CSMD1: variants seen among roughly 807,000 people sequenced by gnomAD.
The protein encoded by CSMD1 is CUB and Sushi multiple domains 1.
In CSMD1, 213 loss-of-function variants were observed where a neutral mutation model predicts 417.5. The observed-to-expected ratio is 0.51, with a 90% confidence interval of 0.46 to 0.57. The LOEUF (loss-of-function observed/expected upper bound fraction) is 0.57. Ranked by LOEUF, CSMD1 falls within the 20% of genes least tolerant of loss-of-function variation. CSMD1 has a pLI of 0.00. For synonymous variants in CSMD1, 2,862 were observed against 1,736.8 expected (o/e 1.65, Z -16.11); for missense variants, 6,923 against 4,529.7 (o/e 1.53, Z -15.17).
At chr8:4,562,522 G>T (rs561013046) in intron 2 of CSMD1, among the ~76,000 whole-genome samples, 1 of 152,136 alleles carries the variant, frequency 6.6e-6, no homozygotes, top group Non-Finnish European at 1.5e-5. Flanking sequence ...AGTAAGAAAA[G>T]ATAACTTTAG....
intron 4 of CSMD1, among the ~76,000 whole-genome samples, chr8:4,027,936 A>G (rs1219916178): frequency 6.6e-6 from 1 of 152,192 alleles, no homozygotes; most frequent in Non-Finnish European, 1.5e-5. Flanking sequence ...TAATGGTAGA[A>G]ATAAGGAAGA....
In CSMD1 at chr8:3,290,399, T is replaced by A. The variant is rs1179726775; in HGVS notation, c.3951-6053A>T. Among the ~76,000 whole-genome samples, 4 of 146,770 alleles carry A rather than the reference T, an allele frequency of 2.7e-5. 1 individual carries two copies. The highest frequency in any genetic ancestry group is 8.2e-5 in the African/African-American group (3 of 36,742). ...GTAACTTGAAGGGGATGGCATTGAA[T>A]CTATAAGTTACCTTGGGCGGTATGG... On this transcript the variant is annotated intron_variant, in intron 25 of 69. Coordinates refer to ENST00000635120, the MANE Select transcript of CSMD1 (RefSeq NM_033225.6).
At chr8:3,995,650 T>C (rs950273054) in intron 5 of CSMD1, among the ~76,000 whole-genome samples, 19 of 152,200 alleles carry the variant, frequency 1.2e-4, no homozygotes, top group Non-Finnish European at 2.4e-4. Flanking sequence ...CATATCTCAG[T>C]TTTATTTTTA....
intron 5 of CSMD1, among the ~76,000 whole-genome samples, chr8:3,789,428 GT>G (rs200174086): frequency 0.023 from 1,946 of 84,938 alleles, 51 homozygotes; most frequent in South Asian, 0.07. Flanking sequence ...TTTAAGTAGT[GT>G]TTTTTTTTAA....
At chr8:3,519,744 G>A (rs757735470) in intron 10 of CSMD1, among the ~76,000 whole-genome samples, 1 of 152,084 alleles carries the variant, frequency 6.6e-6, no homozygotes, top group Non-Finnish European at 1.5e-5. Flanking sequence ...TCTGTGATAT[G>A]TGTAAAGATA....
chr8:4,272,062 G>A (rs1214377906), intron 3 of CSMD1, among the ~76,000 whole-genome samples: 1 of 152,070 alleles, frequency 6.6e-6, no homozygotes, highest in Non-Finnish European at 1.5e-5. Flanking sequence ...GACCTGTGTA[G>A]TTCAAACCTG....
intron 3 of CSMD1, among the ~76,000 whole-genome samples, chr8:4,402,108 C>G (rs1804684849): frequency 6.6e-6 from 1 of 152,106 alleles, no homozygotes; most frequent in Admixed American, 6.5e-5. Context: ...TTCCGATGAA[C>G]TTGTCTTCCA....
At chr8:3,047,139 G>T (rs140750133) in intron 50 of CSMD1, among the ~76,000 whole-genome samples, 33 of 151,138 alleles carry the variant, frequency 2.2e-4, no homozygotes, top group Non-Finnish European at 3.8e-4. Flanking sequence ...ACCCAGGAGG[G>T]GGAGGTTGCA....
chr8:4,627,887 G>C (rs1052313277), intron 2 of CSMD1, among the ~76,000 whole-genome samples: 1 of 152,088 alleles, frequency 6.6e-6, no homozygotes, highest in Non-Finnish European at 1.5e-5. Context: ...CTGTATGGCA[G>C]ACACTTCTTT....
At chr8:4,705,375 C>G (rs1032798003) in intron 1 of CSMD1, among the ~76,000 whole-genome samples, 1 of 152,140 alleles carries the variant, frequency 6.6e-6, no homozygotes, top group South Asian at 2.1e-4. Context: ...TGTAAGACAA[C>G]CCAGCGTCTA....
At chr8:3,009,484 C>T (rs1808216469) in intron 52 of CSMD1, among the ~76,000 whole-genome samples, 1 of 152,166 alleles carries the variant, frequency 6.6e-6, no homozygotes. Flanking sequence ...AGCCAATTTG[C>T]AAACTTTTCT....
intron 3 of CSMD1, among the ~76,000 whole-genome samples, chr8:4,064,692 C>G (rs578119310): frequency 1.3e-5 from 2 of 152,208 alleles, no homozygotes; most frequent in East Asian, 1.9e-4. Context: ...TGCTGCTGCC[C>G]TGGCGTGTTG....
At position 3,038,641 on chromosome 8, in the gene CSMD1, C is replaced by T. The variant is rs561616986; in HGVS notation, c.7661-9128G>A. Among the ~76,000 whole-genome samples, 3 of 152,208 alleles carry T rather than the reference C, an allele frequency of 2.0e-5. No individual in the cohort carries two copies. In the East Asian group the frequency reaches 5.8e-4, roughly 29 times the overall value. On this transcript the variant is annotated intron_variant, in intron 50 of 69. Coordinates refer to ENST00000635120, the MANE Select transcript of CSMD1 (RefSeq NM_033225.6). ...ACCATGCACTGCATATAACGCTGAA[C>T]TGGGTATTAGACAATTCCTCAAATT...
rs532960281 is a variant in CSMD1, at chr8:3,005,054, G to C, written c.8030-4923C>G. Among the ~76,000 whole-genome samples the C allele has an allele frequency of 2.0e-5, 3 of 152,282 alleles. No homozygotes were observed. The South Asian group carries it at 6.2e-4, about 32-fold the overall frequency. ...CTCGGGAGGCTGAGGCAGAGGAATT[G>C]CTTGAACCCGGGAGGCAGAGGTTGC... On this transcript the variant is annotated intron_variant, in intron 52 of 69. Transcript: ENST00000635120.
rs533607302 is a variant in CSMD1, at chr8:4,106,994, G to A, written c.416-74895C>T. ...TCAGAGACTCAGCAGATGGGCCTTA[G>A]ACAACACTAACAGGAGAGAAAATTG... On this transcript the variant is annotated intron_variant, in intron 3 of 69. Coordinates refer to ENST00000635120, the MANE Select transcript of CSMD1 (RefSeq NM_033225.6). Among the ~76,000 whole-genome samples the A allele has an allele frequency of 2.0e-5, 3 of 152,282 alleles. No homozygotes were observed. In the East Asian group the frequency reaches 5.8e-4, roughly 29 times the overall value.
chr8:2,972,854 A>C (rs979242765), intron 57 of CSMD1, among the ~76,000 whole-genome samples: 1 of 152,168 alleles, frequency 6.6e-6, no homozygotes, highest in South Asian at 2.1e-4. Flanking sequence ...CATATAGATT[A>C]TCACTGGGAG....
At chr8:4,051,162 G>A (rs1372314027) in intron 3 of CSMD1, among the ~76,000 whole-genome samples, 1 of 152,100 alleles carries the variant, frequency 6.6e-6, no homozygotes, top group Non-Finnish European at 1.5e-5. Context: ...GTAGAAAGCA[G>A]AAATGGCAGC....
intron 10 of CSMD1, among the ~76,000 whole-genome samples, chr8:3,517,962 T>G (rs1797350867): frequency 1.3e-5 from 2 of 152,156 alleles, no homozygotes; most frequent in Non-Finnish European, 1.5e-5. Context: ...CATGAATTAT[T>G]AAACCTCATC....
chr8:3,622,389 A>G (rs1230929582), intron 7 of CSMD1, among the ~76,000 whole-genome samples: 1 of 152,196 alleles, frequency 6.6e-6, no homozygotes, highest in Non-Finnish European at 1.5e-5. Flanking sequence ...CACAATACCC[A>G]AACTGGTTGA....
Sources: allele counts gnomAD v4.1 joint callset (sites outside exome capture counted in the v4.1 genomes callset), GRCh38; gene constraint gnomAD v4.1.1; transcripts MANE v1.5; gene names NCBI Gene and HGNC (gene_info 2026-07-23, HGNC 2026-07-21).